The following AIG1 variants were observed in gnomAD, a reference collection of about 807,000 sequenced individuals.
AIG1 encodes androgen induced 1.
AIG1 carries 23 observed loss-of-function variants against 31.4 expected under a neutral mutation model. The observed-to-expected ratio is 0.73, with a 90% CI of 0.53 to 1.04. AIG1 has a LOEUF of 1.04. Among genes scored for constraint, AIG1 ranks in the 50% least tolerant of loss-of-function variants. AIG1 has a pLI of 0.00. For missense variants in AIG1, 274 were observed against 295.0 expected (o/e 0.93, Z 0.52); for synonymous variants, 100 against 110.5 (o/e 0.90, Z 0.60).
rs1785443680 is a variant in AIG1, at chr6:143,153,530, G to A, written c.298-11552G>A. Among the ~76,000 whole-genome samples, 4 of 152,006 alleles carry A rather than the reference G, an allele frequency of 2.6e-5. No individual in the cohort carries two copies. The South Asian group carries it at 8.3e-4, about 32-fold the overall frequency. Reference sequence around the variant, plus strand: ...GCCTGGCTAATTTTTTTGTATTTTAGTACAGACGGGATTTCACCATATTGG... The same window carrying A: ...GCCTGGCTAATTTTTTTGTATTTTAATACAGACGGGATTTCACCATATTGG... On this transcript the variant is annotated intron_variant, in intron 2 of 5. Coordinates refer to ENST00000357847, the MANE Select transcript of AIG1 (RefSeq NM_016108.4).
chr6:143,240,225 G>T (rs963755444), intron 3 of AIG1, among the ~76,000 whole-genome samples: 2 of 152,164 alleles, frequency 1.3e-5, no homozygotes, highest in Non-Finnish European at 2.9e-5. Context: ...AATAGTGAAT[G>T]CCTCTAAGGA....
At chr6:143,285,101 C>A (rs1360444607) in intron 4 of AIG1, among the ~76,000 whole-genome samples, 1 of 151,954 alleles carries the variant, frequency 6.6e-6, no homozygotes, top group Admixed American at 6.5e-5. Flanking sequence ...TGTACTTAAT[C>A]CCCCCAAATC....
At chr6:143,196,350 A>AACACACGCACACACACAC (rs1031872426) in intron 3 of AIG1, among the ~76,000 whole-genome samples, 9 of 141,636 alleles carry the variant, frequency 6.4e-5, no homozygotes, top group African/African-American at 2.1e-4. Context: ...CAACAAAAGC[A>AACACACGCACACACACAC]ACACACACAC....
chr6:143,343,410 C>T (rs571995844), downstream of AIG1: 2 of 515,376 alleles, frequency 3.9e-6, no homozygotes, highest in East Asian at 4.8e-5. Flanking sequence ...TACCGGTGCA[C>T]CTGTCTTGTC....
chr6:143,206,821 G>C (rs1300483379), intron 3 of AIG1, among the ~76,000 whole-genome samples: 2 of 152,116 alleles, frequency 1.3e-5, no homozygotes, highest in Non-Finnish European at 2.9e-5. Flanking sequence ...CCCATTTCAT[G>C]GTCTTTGGTA....
chr6:143,108,179 G>C (rs761017124), intron 1 of AIG1, among the ~76,000 whole-genome samples: 1 of 152,138 alleles, frequency 6.6e-6, no homozygotes, highest in Non-Finnish European at 1.5e-5. Context: ...TTTGTTTACT[G>C]CATAAGCACA....
intron 4 of AIG1, among the ~76,000 whole-genome samples, chr6:143,305,174 C>T (rs1799169458): frequency 6.6e-6 from 1 of 152,104 alleles, no homozygotes; most frequent in African/African-American, 2.4e-5. Context: ...TTTCAAAAAA[C>T]CAGCTCCTGG....
At chr6:143,163,370 C>T (rs1049750764) in intron 2 of AIG1, among the ~76,000 whole-genome samples, 2 of 152,188 alleles carry the variant, frequency 1.3e-5, no homozygotes, top group African/African-American at 4.8e-5. Flanking sequence ...AGCTTAGAAA[C>T]GCTAGCCAGT....
intron 4 of AIG1, among the ~76,000 whole-genome samples, chr6:143,287,335 C>A (rs1258023339): frequency 1.3e-5 from 2 of 152,138 alleles, no homozygotes; most frequent in Non-Finnish European, 2.9e-5. Context: ...GTTCCCCAAA[C>A]AGTCCTTAGA....
intron 1 of AIG1, among the ~76,000 whole-genome samples, chr6:143,127,124 T>C (rs1194681043): frequency 6.6e-6 from 1 of 152,214 alleles, no homozygotes; most frequent in Non-Finnish European, 1.5e-5. Context: ...CATAATACTT[T>C]ATGTTCTCTA....
At chr6:143,071,886 T>C (rs1490191224) in intron 1 of AIG1, among the ~76,000 whole-genome samples, 1 of 151,972 alleles carries the variant, frequency 6.6e-6, no homozygotes, top group East Asian at 1.9e-4. Flanking sequence ...TGGGCTCAGT[T>C]GATCCTCCTA....
At chr6:143,079,694 C>T (rs183607208) in intron 1 of AIG1, among the ~76,000 whole-genome samples, 15 of 151,318 alleles carry the variant, frequency 9.9e-5, no homozygotes, top group East Asian at 5.8e-4. Flanking sequence ...CATATTCATT[C>T]GAGTGTTTAT....
In AIG1 at chr6:143,321,371, G is replaced by A. The variant is rs558068878; in HGVS notation, c.516-11911G>A. Among the ~76,000 whole-genome samples the A allele has an allele frequency of 1.6e-3, 242 of 151,836 alleles. 1 individual carries two copies. The highest frequency in any genetic ancestry group is 1.3e-3 in the Non-Finnish European group (85 of 67,938). The stretch of plus-strand genomic sequence containing the variant: ...TCCCAGCACTTTGGGAGGCCAAGGC[G>A]GGTGATCACTTGAGGCCAGGAGTTC... On this transcript the variant is annotated intron_variant, in intron 4 of 5. Coordinates refer to ENST00000357847, the MANE Select transcript of AIG1 (RefSeq NM_016108.4).
At chr6:143,276,472 G>A (rs1796917874) in intron 3 of AIG1, among the ~76,000 whole-genome samples, 1 of 152,164 alleles carries the variant, frequency 6.6e-6, no homozygotes, top group African/African-American at 2.4e-5. Flanking sequence ...TCTCAGCCTG[G>A]TTTGACAGCC....
chr6:143,168,320 A>G (rs996340605), intron 3 of AIG1, among the ~76,000 whole-genome samples: 1 of 151,738 alleles, frequency 6.6e-6, no homozygotes, highest in African/African-American at 2.4e-5. Flanking sequence ...GGTTTGTTAC[A>G]TATGTATACA....
chr6:143,186,702 GGCTGCACTTCTAATGAAT>G (rs1272712788), intron 3 of AIG1: 1 of 152,206 alleles, frequency 6.6e-6, no homozygotes, highest in Non-Finnish European at 1.5e-5. Flanking sequence ...CATTTCCTTA[GGCTGCACTTCTAATGAAT>G]GCAGACATTT....
At chr6:143,177,966 G>A (rs1348300833) in intron 3 of AIG1, among the ~76,000 whole-genome samples, 2 of 152,182 alleles carry the variant, frequency 1.3e-5, no homozygotes, top group African/African-American at 4.8e-5. Context: ...GAGGGAGCAG[G>A]TTGCCATCAG....
rs551188449 is a variant in AIG1 at position 143,284,231 on chromosome 6, G to T, written c.515+6G>T. On this transcript the variant is annotated splice_donor_region_variant and intron_variant, in intron 4 of 5. Transcript: ENST00000357847. The surrounding 1 kb of genome is among the most constrained non-coding windows in gnomAD (Gnocchi z 4.4). ...TCTGTTGGCTATATATTATGGTAAG[G>T]ACCATGCCTGCTGGGCTTTCTTATT... 124 of 1,592,636 alleles carry T rather than the reference G, an allele frequency of 7.8e-5. 2 individuals are homozygous for T. The South Asian group carries it at 1.2e-3, about 16-fold the overall frequency.
intron 1 of AIG1, among the ~76,000 whole-genome samples, chr6:143,063,463 ATT>A (rs1308586505): frequency 1.3e-5 from 2 of 152,226 alleles, no homozygotes; most frequent in African/African-American, 4.8e-5. Flanking sequence ...GCAAAGTGTT[ATT>A]CTTTTTATTA....
Sources: allele counts gnomAD v4.1 joint callset (sites outside exome capture counted in the v4.1 genomes callset), GRCh38; gene constraint gnomAD v4.1.1; non-coding constraint Gnocchi (gnomAD v3.1); transcripts MANE v1.5; gene names NCBI Gene and HGNC (gene_info 2026-07-23, HGNC 2026-07-21).